The following NEGR1 variants were observed in gnomAD, a reference collection of about 807,000 sequenced individuals.
NEGR1 encodes the protein IgLON family member 4.
NEGR1 carries 10 observed loss-of-function variants against 40.9 expected under a neutral mutation model. That is an observed-to-expected ratio of 0.24 (90% CI 0.15 to 0.42). The LOEUF is 0.42. Ranked by LOEUF, NEGR1 falls within the 10% of genes least tolerant of loss-of-function variation. The pLI, the probability that NEGR1 is intolerant of heterozygous loss-of-function variation, is 1.00. For missense variants in NEGR1, 352 were observed against 438.9 expected (o/e 0.80, Z 1.77); for synonymous variants, 185 against 166.8 (o/e 1.11, Z -0.84).
At chr1:72,003,233 T>C (rs1646573163) in intron 1 of NEGR1, among the ~76,000 whole-genome samples, 2 of 151,706 alleles carry the variant, frequency 1.3e-5, no homozygotes, top group Non-Finnish European at 2.9e-5. Context: ...GGGTCGGAGG[T>C]TAGGCTTGAC....
chr1:72,015,282 T>C (rs189565609), intron 1 of NEGR1, among the ~76,000 whole-genome samples: 2 of 152,266 alleles, frequency 1.3e-5, no homozygotes, highest in East Asian at 3.9e-4. Context: ...AATTGGTTAT[T>C]CAGCTTTGTC....
intron 1 of NEGR1, among the ~76,000 whole-genome samples, chr1:72,164,897 T>G (rs746014864): frequency 2.0e-5 from 3 of 152,110 alleles, no homozygotes; most frequent in Non-Finnish European, 4.4e-5. Context: ...ATGCTAAGTA[T>G]CACCATAGCT....
chr1:71,422,479 C>G (rs903663598), intron 6 of NEGR1: 1 of 152,116 alleles, frequency 6.6e-6, no homozygotes, highest in Non-Finnish European at 1.5e-5. Flanking sequence ...TTAAGGCTGT[C>G]GTAATGTCAT....
Position 71,729,624 on chromosome 1 carries a change from G to C in NEGR1, c.536-31485C>G, listed in dbSNP as rs71651485. Among the ~76,000 whole-genome samples the C allele has an allele frequency of 3.6e-3, 542 of 151,934 alleles. 2 individuals carry two copies. Among genetic ancestry groups the C allele is most frequent in the Non-Finnish European group, 6.6e-3 (451 of 67,924 alleles). The stretch of plus-strand genomic sequence containing the variant: ...ACAAAACTCATTAAGAGATGTAGCT[G>C]AATAATTTTTGTTGTTGTTTTTGTT... On this transcript the variant is annotated intron_variant, in intron 3 of 6. Transcript: ENST00000357731.
intron 2 of NEGR1, among the ~76,000 whole-genome samples, chr1:71,922,755 T>A (rs1239779591): frequency 6.6e-6 from 1 of 152,132 alleles, no homozygotes; most frequent in African/African-American, 2.4e-5. Flanking sequence ...CTACTCTGAG[T>A]TGGACACTTC....
intron 2 of NEGR1, among the ~76,000 whole-genome samples, chr1:71,823,254 A>G (rs1296803073): frequency 6.6e-6 from 1 of 151,070 alleles, no homozygotes; most frequent in African/African-American, 2.4e-5. Flanking sequence ...AGGATTATGA[A>G]TAGTGAGACA....
rs956588836 is a variant in NEGR1 at position 71,854,439 on chromosome 1, T to C, written c.410-78142A>G. Among the ~76,000 whole-genome samples the C allele has an allele frequency of 2.0e-5, 3 of 152,196 alleles. No homozygotes were observed. The South Asian group carries it at 6.2e-4, about 32-fold the overall frequency. On this transcript the variant is annotated intron_variant, in intron 2 of 6. Transcript: ENST00000357731. ...ATACATTTTTGTACCCCACATCTAATACAGCACCTGATATTTAGAAGATAT... is the reference window on the plus strand; with the variant it reads ...ATACATTTTTGTACCCCACATCTAACACAGCACCTGATATTTAGAAGATAT...
At chr1:71,867,335 C>T (rs1660145882) in intron 2 of NEGR1, among the ~76,000 whole-genome samples, 1 of 152,204 alleles carries the variant, frequency 6.6e-6, no homozygotes, top group Admixed American at 6.5e-5. Flanking sequence ...CATTATGCCA[C>T]TGAACCGCCA....
chr1:71,762,412 C>G (rs1425421594), intron 3 of NEGR1, among the ~76,000 whole-genome samples: 1 of 152,034 alleles, frequency 6.6e-6, no homozygotes, highest in Non-Finnish European at 1.5e-5. Flanking sequence ...GTTGTATCAA[C>G]TATAGGCTGT....
chr1:72,089,344 T>C (rs1648360575), intron 1 of NEGR1, among the ~76,000 whole-genome samples: 1 of 152,208 alleles, frequency 6.6e-6, no homozygotes, highest in South Asian at 2.1e-4. Context: ...GCAGACTAAA[T>C]GAGTTAATAC....
At chr1:72,018,299 A>C (rs539738466) in intron 1 of NEGR1, among the ~76,000 whole-genome samples, 1 of 152,304 alleles carries the variant, frequency 6.6e-6, no homozygotes, top group Admixed American at 6.5e-5. Context: ...CTTGCCTTTA[A>C]TAAACTCATA....
chr1:71,875,572 T>C (rs962303282), intron 2 of NEGR1, among the ~76,000 whole-genome samples: 3 of 152,154 alleles, frequency 2.0e-5, no homozygotes, highest in African/African-American at 4.8e-5. Flanking sequence ...AGCTCAGTGA[T>C]AGAAATTACA....
chr1:71,937,827 C>T (rs1357615482), intron 1 of NEGR1, among the ~76,000 whole-genome samples: 1 of 152,018 alleles, frequency 6.6e-6, no homozygotes, highest in Non-Finnish European at 1.5e-5. Flanking sequence ...CCATGAAAGT[C>T]TGATTTAGAA....
intron 6 of NEGR1, among the ~76,000 whole-genome samples, chr1:71,421,189 T>C (rs1427183314): frequency 6.6e-6 from 1 of 152,042 alleles, no homozygotes; most frequent in Non-Finnish European, 1.5e-5. Flanking sequence ...GGCTAATTTA[T>C]TTTTGTAAGA....
At chr1:71,698,818 A>C (rs1250965755) in intron 3 of NEGR1, among the ~76,000 whole-genome samples, 3 of 151,926 alleles carry the variant, frequency 2.0e-5, no homozygotes, top group Non-Finnish European at 4.4e-5. Flanking sequence ...TGTGACAAAA[A>C]ATAGCAGCAG....
chr1:71,689,025 T>C (rs1178229093), intron 4 of NEGR1, among the ~76,000 whole-genome samples: 2 of 152,206 alleles, frequency 1.3e-5, no homozygotes, highest in African/African-American at 4.8e-5. Flanking sequence ...TGTCATCCTC[T>C]GTCACACTCC....
At chr1:71,785,388 T>C (rs1027098191) in intron 2 of NEGR1, among the ~76,000 whole-genome samples, 1 of 152,006 alleles carries the variant, frequency 6.6e-6, no homozygotes, top group Non-Finnish European at 1.5e-5. Flanking sequence ...GCACCAACTA[T>C]ATAACTTCAA....
rs1655535149 is a variant in NEGR1, at chr1:71,750,460, A to G, written c.535+25712T>C. 3.3e-5 allele frequency among the ~76,000 whole-genome samples: 5 copies of G among 152,220 alleles called. No individual in the cohort carries two copies. In the South Asian group the frequency reaches 1.0e-3, roughly 32 times the overall value. On this transcript the variant is annotated intron_variant, in intron 3 of 6. Transcript: ENST00000357731. ...GTAAAGACATACCCGAGACATATAAAGAAAAGAGGTTTAATTGACTCACTG... is the reference window on the plus strand; with the variant it reads ...GTAAAGACATACCCGAGACATATAAGGAAAAGAGGTTTAATTGACTCACTG...
intron 2 of NEGR1, among the ~76,000 whole-genome samples, chr1:71,823,115 T>G (rs1658493750): frequency 6.6e-6 from 1 of 151,980 alleles, no homozygotes; most frequent in Non-Finnish European, 1.5e-5. Flanking sequence ...GCCCTTGATC[T>G]CTACAATGCA....
Sources: gnomAD v4.1 joint callset for allele counts (sites outside exome capture counted in the v4.1 genomes callset) on GRCh38, gnomAD v4.1.1 for gene constraint, MANE v1.5 for transcripts, NCBI Gene and HGNC (gene_info 2026-07-23, HGNC 2026-07-21) for gene names.